MAPK14: variants seen among roughly 807,000 people sequenced by gnomAD.
MAPK14 encodes the protein mitogen-activated protein kinase 14, also known as CSAID-binding protein.
A neutral mutation model predicts 49.6 loss-of-function variants in MAPK14; 16 were observed. That is an observed-to-expected ratio of 0.32 (90% CI 0.22 to 0.49). MAPK14 has a LOEUF of 0.49. MAPK14 is among the 20% of genes least tolerant of loss of function. The pLI is 0.99. For synonymous variants in MAPK14, 142 were observed against 158.0 expected (o/e 0.90, Z 0.76); for missense variants, 200 against 441.2 (o/e 0.45, Z 4.90).
chr6:36,037,406 G>A (rs751293503), intron 1 of MAPK14, among the ~76,000 whole-genome samples: 1 of 152,196 alleles, frequency 6.6e-6, no homozygotes, highest in Non-Finnish European at 1.5e-5. Flanking sequence ...AAGGCTGAAT[G>A]TTGGGGGAAA....
chr6:36,106,587 G>A (rs750671887), intron 10 of MAPK14, among the ~76,000 whole-genome samples: 2 of 152,108 alleles, frequency 1.3e-5, no homozygotes, highest in South Asian at 2.1e-4. Context: ...AGATGTCTTC[G>A]TGTTGAAATA....
intron 10 of MAPK14, among the ~76,000 whole-genome samples, chr6:36,106,729 G>GTT (rs1017838377): frequency 3.3e-5 from 5 of 152,046 alleles, no homozygotes; most frequent in African/African-American, 9.7e-5. Flanking sequence ...CTTTATCATA[G>GTT]TTTTTACTTT....
intron 1 of MAPK14, among the ~76,000 whole-genome samples, chr6:36,034,049 T>C (rs1167460885): frequency 6.6e-6 from 1 of 152,198 alleles, no homozygotes; most frequent in African/African-American, 2.4e-5. Context: ...TGTGGGCTGC[T>C]GAGGTTGCGC....
intron 1 of MAPK14, among the ~76,000 whole-genome samples, chr6:36,041,869 C>A (rs945992034): frequency 6.6e-6 from 1 of 152,044 alleles, no homozygotes; most frequent in Non-Finnish European, 1.5e-5. Flanking sequence ...AGAAATAGAC[C>A]TAAAATATTA....
At chr6:36,052,926 A>G (rs1763459336) in intron 2 of MAPK14, 98 bp downstream of exon 2, 4 of 1,084,100 alleles carry the variant, frequency 3.7e-6, no homozygotes, top group Non-Finnish European at 5.2e-6. Context: ...GAGTGCATCA[A>G]ACGTTGGTCC....
At chr6:36,034,249 G>A (rs1762651638) in intron 1 of MAPK14, among the ~76,000 whole-genome samples, 1 of 152,136 alleles carries the variant, frequency 6.6e-6, no homozygotes, top group South Asian at 2.1e-4. Context: ...AATCAAAAAT[G>A]CACTCATTGC....
chr6:36,065,064 T>G (rs1165078751), intron 3 of MAPK14, among the ~76,000 whole-genome samples: 2 of 152,362 alleles, frequency 1.3e-5, no homozygotes, highest in African/African-American at 4.8e-5. Context: ...ACTGTCTCCT[T>G]TCCTTCAGGA....
At chr6:36,086,404 A>G in intron 8 of MAPK14, among the ~76,000 whole-genome samples, 1 of 152,212 alleles carries the variant, frequency 6.6e-6, no homozygotes, top group Admixed American at 6.5e-5. Context: ...AAAATAAAAT[A>G]GACTCCTAGC....
At chr6:36,087,312 AG>A (rs777867700) in intron 8 of MAPK14, among the ~76,000 whole-genome samples, 6 of 152,230 alleles carry the variant, frequency 3.9e-5, no homozygotes, top group Admixed American at 6.5e-5. Context: ...AAAGAAAGAA[AG>A]GGTATTCAAA....
intron 1 of MAPK14, among the ~76,000 whole-genome samples, chr6:36,036,277 A>G (rs565945431): frequency 2.7e-5 from 4 of 148,052 alleles, no homozygotes; most frequent in East Asian, 2.1e-4. Flanking sequence ...AAAAAAATCA[A>G]TAGATGAGAA....
chr6:36,073,074 C>G (rs1312941844), intron 4 of MAPK14, 90 bp downstream of exon 4: 1 of 815,652 alleles, frequency 1.2e-6, no homozygotes, highest in South Asian at 1.4e-5. Flanking sequence ...AACAACTTTT[C>G]TAATGGAAAA....
chr6:36,043,072 C>T (rs961305083), intron 1 of MAPK14, among the ~76,000 whole-genome samples: 1 of 151,528 alleles, frequency 6.6e-6, no homozygotes, highest in African/African-American at 2.4e-5. Flanking sequence ...TGCATTGAGC[C>T]GTGATCATGC....
intron 1 of MAPK14, among the ~76,000 whole-genome samples, chr6:36,034,498 C>G (rs377188917): frequency 1.3e-5 from 2 of 152,108 alleles, no homozygotes; most frequent in African/African-American, 4.8e-5. Context: ...CTGATTTGTT[C>G]TTATCTAAGA....
chr6:36,096,178 C>G, intron 9 of MAPK14, 112 bp downstream of exon 9: 1 of 725,234 alleles, frequency 1.4e-6, no homozygotes, highest in South Asian at 1.6e-5. Flanking sequence ...CCTTTGTGTG[C>G]TGACTTCCCG....
At chr6:36,029,002 A>G (rs1334332746) in intron 1 of MAPK14, 1 of 151,952 alleles carries the variant, frequency 6.6e-6, no homozygotes, top group Admixed American at 6.6e-5. Flanking sequence ...AGTGCCTGCA[A>G]GAACACTGCA....
intron 1 of MAPK14, among the ~76,000 whole-genome samples, chr6:36,030,686 C>CAA (rs35145056): frequency 0.14 from 16,554 of 117,926 alleles, 1,473 homozygotes; most frequent in African/African-American, 0.22. Context: ...GACGCCGTCT[C>CAA]AAAAAAAAAA....
chr6:36,103,518 AT>A (rs1313503200), intron 10 of MAPK14, among the ~76,000 whole-genome samples: 5 of 152,092 alleles, frequency 3.3e-5, no homozygotes, highest in African/African-American at 4.8e-5. Flanking sequence ...TTTTTAAAGA[AT>A]TCTTTGTAGA....
chr6:36,105,267 G>A (rs1021575577), intron 10 of MAPK14, among the ~76,000 whole-genome samples: 1 of 151,744 alleles, frequency 6.6e-6, no homozygotes, highest in Admixed American at 6.6e-5. Context: ...TTAAGAGATG[G>A]CATCTCACTC....
chr6:36,030,882 A>G (rs1166642061), intron 1 of MAPK14, among the ~76,000 whole-genome samples: 1 of 152,228 alleles, frequency 6.6e-6, no homozygotes, highest in African/African-American at 2.4e-5. Context: ...TATTGGTGAA[A>G]GAAAATACAA....
Sources: gnomAD v4.1 joint callset for allele counts (sites outside exome capture counted in the v4.1 genomes callset) on GRCh38, gnomAD v4.1.1 for gene constraint, MANE v1.5 for transcripts, NCBI Gene and HGNC (gene_info 2026-07-23, HGNC 2026-07-21) for gene names.